The following ERBB4 variants were observed in gnomAD, a reference collection of about 807,000 sequenced individuals.
The protein encoded by ERBB4 is erb-b2 receptor tyrosine kinase 4.
ERBB4 carries 42 observed loss-of-function variants against 158.0 expected under a neutral mutation model. That is an observed-to-expected ratio of 0.27 (90% CI 0.21 to 0.34). ERBB4 has a LOEUF of 0.34. Among genes scored for constraint, ERBB4 ranks in the 10% least tolerant of loss-of-function variants. The pLI is 1.00. For synonymous variants in ERBB4, 583 were observed against 558.7 expected, an observed-to-expected ratio of 1.04 and a Z score of -0.61; for missense variants, 1,333 against 1,624.1, an observed-to-expected ratio of 0.82 and a Z score of 3.08.
At position 212,225,441 on chromosome 2, in the gene ERBB4, CTG is replaced by C. The variant is rs1393157089; in HGVS notation, c.83-100540_83-100539del. Among the ~76,000 whole-genome samples the C allele has an allele frequency of 6.8e-5, 10 of 147,990 alleles. No homozygotes were observed. The Admixed American group carries it at 6.9e-4, about 10-fold the overall frequency. On this transcript the variant is annotated intron_variant, in intron 1 of 27. Coordinates refer to ENST00000342788, the MANE Select transcript of ERBB4 (RefSeq NM_005235.3). ...TCTGAAAAGATTCATTCTATCATAA[CTG>C]TGCTTGATCTTTCGAATTATGAAAT... is the stretch of plus-strand genomic sequence containing the variant.
chr2:212,218,278 T>C (rs983695489), intron 1 of ERBB4, among the ~76,000 whole-genome samples: 2 of 151,388 alleles, frequency 1.3e-5, no homozygotes, highest in African/African-American at 4.8e-5. Context: ...AAATTTTTTC[T>C]ATCAGGAGGC....
intron 3 of ERBB4, among the ~76,000 whole-genome samples, chr2:211,944,189 A>ATATATATATATAG (rs1559154821): frequency 7.7e-5 from 4 of 51,726 alleles, no homozygotes; most frequent in African/African-American, 4.1e-4. Flanking sequence ...ATATATATAT[A>ATATATATATATAG]TATATATATA....
At chr2:212,478,490 G>A (rs1333077228) in intron 1 of ERBB4, among the ~76,000 whole-genome samples, 2 of 149,460 alleles carry the variant, frequency 1.3e-5, no homozygotes, top group Non-Finnish European at 2.9e-5. Flanking sequence ...GTGAGCGAGA[G>A]TATTCAGTGA....
chr2:212,175,348 CCT>C (rs1198565031), intron 1 of ERBB4, among the ~76,000 whole-genome samples: 2 of 151,938 alleles, frequency 1.3e-5, no homozygotes, highest in African/African-American at 4.8e-5. Context: ...ACAGCTAAAT[CCT>C]CTTTCCTCTT....
At position 211,788,009 on chromosome 2, in the gene ERBB4, G is replaced by T. The variant is rs767886972; in HGVS notation, c.556+16C>A. On this transcript the variant is annotated intron_variant, in intron 4 of 27. Transcript: ENST00000342788. Reference sequence around the variant, plus strand: ...GTAGAACATTTTGAGAAATTAAAAAGAATAATTCTACTTACATCCTGAACT... The same window carrying T: ...GTAGAACATTTTGAGAAATTAAAAATAATAATTCTACTTACATCCTGAACT... 2 of 1,612,194 alleles carry T rather than the reference G, an allele frequency of 1.2e-6. No homozygotes were observed. Among genetic ancestry groups the T allele is most frequent in the African/African-American group, 1.3e-5 (1 of 74,992 alleles).
intron 3 of ERBB4, among the ~76,000 whole-genome samples, chr2:211,805,510 A>G (rs1315160902): frequency 6.6e-6 from 1 of 152,210 alleles, no homozygotes; most frequent in Non-Finnish European, 1.5e-5. Context: ...TATTTTACCT[A>G]TGTATTACTT....
chr2:212,254,503 C>T (rs1455763071), intron 1 of ERBB4, among the ~76,000 whole-genome samples: 2 of 152,182 alleles, frequency 1.3e-5, no homozygotes, highest in African/African-American at 4.8e-5. Context: ...CCAGGTTAGA[C>T]TGGCTCAATC....
At chr2:211,442,703 A>G (rs905825211) in intron 20 of ERBB4, among the ~76,000 whole-genome samples, 3 of 137,536 alleles carry the variant, frequency 2.2e-5, no homozygotes, top group Non-Finnish European at 3.1e-5. Flanking sequence ...ACGTGTGTAT[A>G]TATGTATTGA....
chr2:211,861,043 ATATATT>A (rs1258859028), intron 3 of ERBB4, among the ~76,000 whole-genome samples: 3 of 11,992 alleles, frequency 2.5e-4, no homozygotes, highest in Non-Finnish European at 4.6e-4. Flanking sequence ...TAATATATTT[ATATATT>A]TATATATATA....
intron 2 of ERBB4, among the ~76,000 whole-genome samples, chr2:212,027,276 G>A (rs2076795866): frequency 2.6e-5 from 4 of 152,006 alleles, no homozygotes; most frequent in Admixed American, 2.6e-4. Flanking sequence ...TAATGTTCGT[G>A]AGAAATTATA....
chr2:211,959,089 C>G (rs1362503708), intron 2 of ERBB4, among the ~76,000 whole-genome samples: 1 of 152,032 alleles, frequency 6.6e-6, no homozygotes, highest in Non-Finnish European at 1.5e-5. Flanking sequence ...GTCTTTAAGT[C>G]TCTATGCTTT....
chr2:211,599,161 A>T (rs1218157386), intron 19 of ERBB4, among the ~76,000 whole-genome samples: 1 of 150,670 alleles, frequency 6.6e-6, no homozygotes, highest in Admixed American at 6.6e-5. Context: ...TTAGAGTTAT[A>T]ATATTAGCAT....
intron 1 of ERBB4, among the ~76,000 whole-genome samples, chr2:212,480,260 A>C (rs1016617542): frequency 3.3e-5 from 5 of 152,168 alleles, no homozygotes; most frequent in Admixed American, 3.3e-4. Context: ...GACCTTATTA[A>C]TATATGTATA....
chr2:212,424,850 ATCT>A (rs1161417766), intron 1 of ERBB4, among the ~76,000 whole-genome samples: 1 of 152,106 alleles, frequency 6.6e-6, no homozygotes, highest in East Asian at 1.9e-4. Context: ...CCTTTTACTT[ATCT>A]TCAGAAATGA....
At chr2:211,837,328 G>A (rs2077363862) in intron 3 of ERBB4, among the ~76,000 whole-genome samples, 1 of 152,050 alleles carries the variant, frequency 6.6e-6, no homozygotes, top group Non-Finnish European at 1.5e-5. Context: ...AAGTACTTGG[G>A]TTATTGAACC....
chr2:212,511,255 C>T (rs1560518436), intron 1 of ERBB4, among the ~76,000 whole-genome samples: 1 of 152,072 alleles, frequency 6.6e-6, no homozygotes, highest in Non-Finnish European at 1.5e-5. Context: ...AGCTGATGAG[C>T]ATTCCCTATT....
intron 20 of ERBB4, among the ~76,000 whole-genome samples, chr2:211,434,073 C>A (rs906280451): frequency 4.6e-5 from 7 of 152,164 alleles, no homozygotes; most frequent in Admixed American, 4.6e-4. Flanking sequence ...AGAGAATACA[C>A]TGAGAACAAT....
At chr2:212,093,672 G>A (rs2078844693) in intron 2 of ERBB4, among the ~76,000 whole-genome samples, 1 of 152,158 alleles carries the variant, frequency 6.6e-6, no homozygotes, top group Non-Finnish European at 1.5e-5. Context: ...TATTTAAAAT[G>A]GGAAAATTGA....
chr2:211,708,139 A>G (rs759394233), intron 9 of ERBB4, among the ~76,000 whole-genome samples: 6 of 151,952 alleles, frequency 3.9e-5, no homozygotes, highest in Non-Finnish European at 5.9e-5. Flanking sequence ...ATTCATGACC[A>G]CACTTGTATC....
Sources: gnomAD v4.1 joint callset for allele counts (sites outside exome capture counted in the v4.1 genomes callset) on GRCh38, gnomAD v4.1.1 for gene constraint, MANE v1.5 for transcripts, NCBI Gene and HGNC (gene_info 2026-07-23, HGNC 2026-07-21) for gene names.